TRNT1: variants seen among roughly 807,000 people sequenced by gnomAD.
TRNT1 encodes the protein CCA tRNA nucleotidyltransferase 1, mitochondrial.
Under a neutral mutation model 45.6 loss-of-function variants are expected in TRNT1, and 44 were observed. That is an observed-to-expected ratio of 0.97 (90% CI 0.76 to 1.24). TRNT1 has a LOEUF of 1.24. Among genes scored for constraint, TRNT1 ranks in the 50% most tolerant of loss-of-function variants. The probability of loss-of-function intolerance (pLI) is 0.00; values close to 1 mark genes in which losing one functional copy is unlikely to be tolerated. For synonymous variants in TRNT1, 201 were observed against 171.4 expected (o/e 1.17, Z -1.35); for missense variants, 633 against 504.4 (o/e 1.25, Z -2.44).
rs1270334148 is a variant in TRNT1, at chr3:3,146,190, T to A, written c.609-240T>A. On this transcript the variant is annotated intron_variant, in intron 5 of 7. Transcript: ENST00000251607. ...GAGGTGGAGACCTTGAAGTTTTAGT[T>A]CTTGCTAACCTCAAAAAGGCTACTT... is the stretch of plus-strand genomic sequence containing the variant. 2.6e-5 allele frequency among the ~76,000 whole-genome samples: 4 copies of A among 151,780 alleles called. No individual in the cohort carries two copies. The East Asian group carries it at 7.7e-4, about 29-fold the overall frequency.
At chr3:3,129,865 G>T in intron 2 of TRNT1, 8 of 1,550,460 alleles carry the variant, frequency 5.2e-6, no homozygotes, top group Non-Finnish European at 2.6e-6. Context: ...TCGAACTTAC[G>T]CAGATTGATT....
chr3:3,150,847 T>TATC, downstream of TRNT1: 1 of 1,428,192 alleles, frequency 7.0e-7, no homozygotes, highest in Non-Finnish European at 9.7e-7. Flanking sequence ...TAGATAACTT[T>TATC]ATCTCTATCA....
At chr3:3,153,160 T>C, downstream of TRNT1, 1 of 422,878 alleles carries the variant, frequency 2.4e-6, no homozygotes, top group South Asian at 2.3e-5. Context: ...ATATAGATTG[T>C]CAACAAGAAT....
intron 1 of TRNT1, among the ~76,000 whole-genome samples, chr3:3,128,236 G>A (rs1386725522): frequency 6.6e-6 from 1 of 152,074 alleles, no homozygotes; most frequent in Non-Finnish European, 1.5e-5. Context: ...AAACTTGTTC[G>A]TGGAGGCCTG....
In TRNT1 at chr3:3,128,963, A is replaced by G. The variant is rs3898318; in HGVS notation, c.-27-51A>G. 7 of 1,359,406 alleles carry G rather than the reference A, an allele frequency of 5.1e-6. No individual in the cohort carries two copies. The Admixed American group carries it at 1.6e-4, about 30-fold the overall frequency. 84.2% of individuals were successfully genotyped at this position (1,359,406 alleles called of 1,614,324 possible). A position where few individuals can be genotyped will look rare whatever the true frequency, so the allele number is the denominator to read the frequency against. ...AATGTGTCCCCCTTTGTTTTCCTTC[A>G]CTTACCTTCACTTTTAATTTCATTG... On this transcript the variant is annotated intron_variant, in intron 1 of 7. Coordinates refer to ENST00000251607, the MANE Select transcript of TRNT1 (RefSeq NM_182916.3).
In TRNT1 at chr3:3,147,625, A is replaced by G; in HGVS notation, c.978A>G (p.Ile326Met). ...AGGAGAAAAACCTTGGCTTATTTAT[A>G]GTTAAAAATAGGAAAGATTTAATTA... ...AKEEKNLGLF[I>M]VKNRKDLIKA... Residue 326 changes from isoleucine (I) to methionine (M), a missense_variant, in exon 7 of 8, where the codon ATA becomes ATG. By Grantham distance (10) the Ile-to-Met change is conservative. Coordinates refer to ENST00000251607, the MANE Select transcript of TRNT1 (RefSeq NM_182916.3). The G allele has an allele frequency of 6.2e-7, 1 of 1,613,890 alleles. No homozygotes were observed. The highest frequency in any genetic ancestry group is 2.2e-5 in the East Asian group (1 of 44,836).
chr3:3,146,079 GT>G (rs1005077606), intron 5 of TRNT1, among the ~76,000 whole-genome samples: 14 of 145,232 alleles, frequency 9.6e-5, no homozygotes, highest in Non-Finnish European at 1.2e-4. Flanking sequence ...CAAGAATGCT[GT>G]TTTTTTTTTC....
chr3:3,128,806 G>A (rs970684253), intron 1 of TRNT1, among the ~76,000 whole-genome samples: 5 of 152,042 alleles, frequency 3.3e-5, no homozygotes, highest in African/African-American at 1.2e-4. Flanking sequence ...GTGAGACCCC[G>A]CCTGCCACAG....
At chr3:3,136,607 C>G (rs1233458338) in intron 2 of TRNT1, 12 of 429,468 alleles carry the variant, frequency 2.8e-5, no homozygotes, top group Middle Eastern at 7.8e-4. Context: ...AAAGTATGCA[C>G]ATAAATGGGG....
chr3:3,135,671 T>C (rs911293930), intron 2 of TRNT1, among the ~76,000 whole-genome samples: 2 of 151,684 alleles, frequency 1.3e-5, no homozygotes, highest in African/African-American at 4.8e-5. Flanking sequence ...GGAAGAGGAG[T>C]GTGGGCAGGA....
chr3:3,150,894 T>C (rs1706490146), downstream of TRNT1: 2 of 1,613,954 alleles, frequency 1.2e-6, no homozygotes, highest in Admixed American at 1.7e-5. Flanking sequence ...TTGTCTGGAC[T>C]TATTTCATCT....
chr3:3,144,851 A>G, intron 5 of TRNT1, 141 bp downstream of exon 5: 1 of 726,836 alleles, frequency 1.4e-6, no homozygotes, highest in East Asian at 3.8e-5. Flanking sequence ...CTAGCACCCT[A>G]TGACTTATGA....
chr3:3,148,608 G>GAAAT lies in TRNT1; in HGVS notation c.*457_*460dup, dbSNP rs768444581. 1 of 152,714 alleles carries GAAAT rather than the reference G, an allele frequency of 6.5e-6. No individual in the cohort carries two copies. Among genetic ancestry groups the GAAAT allele is most frequent in the Non-Finnish European group, 1.5e-5 (1 of 68,450 alleles). 9.5% of individuals were successfully genotyped at this position (152,714 alleles called of 1,614,324 possible). A position where few individuals can be genotyped will look rare whatever the true frequency, so the allele number is the denominator to read the frequency against. On this transcript the variant is annotated 3_prime_UTR_variant, in exon 8 of 8. Transcript: ENST00000251607. ...CCAAAATAAACCTGTGCTTAAAAAA[G>GAAAT]AAATAATTGACCAAGTAAGTTTGCA...
downstream of TRNT1, among the ~76,000 whole-genome samples, chr3:3,152,034 G>C (rs1706594520): frequency 6.6e-6 from 1 of 152,110 alleles, no homozygotes; most frequent in South Asian, 2.1e-4. Flanking sequence ...ACTGGATACA[G>C]TAATCTGAGG....
chr3:3,136,805 C>T, intron 2 of TRNT1: 3 of 340,694 alleles, frequency 8.8e-6, no homozygotes, highest in Non-Finnish European at 1.7e-5. Flanking sequence ...CAGGTGTGCG[C>T]CACTGAACCT....
At position 3,130,508 on chromosome 3, in the gene TRNT1, G is replaced by A. The variant is rs149665972; in HGVS notation, c.148+1320G>A. ...TGTTTTAGGCAGACTTTAAGTAGAG[G>A]GCTTAAATGCATGTTTGGTTTTGCC... On this transcript the variant is annotated intron_variant, in intron 2 of 7. Coordinates refer to ENST00000251607, the MANE Select transcript of TRNT1 (RefSeq NM_182916.3). The A allele has an allele frequency of 2.0e-3, 307 of 153,006 alleles. 1 individual carries two copies. The highest frequency in any genetic ancestry group is 3.5e-3 in the Non-Finnish European group (237 of 68,588). The allele number at this position is 153,006 out of a possible 1,614,324, so 9.5% of individuals were successfully genotyped here.
At chr3:3,129,813 C>G in intron 2 of TRNT1, 1 of 1,491,002 alleles carries the variant, frequency 6.7e-7, no homozygotes. Flanking sequence ...ATGTGAAGTG[C>G]TTTGCCTGTG....
chr3:3,150,029 G>A (rs933179377), downstream of TRNT1: 1 of 151,980 alleles, frequency 6.6e-6, no homozygotes. Flanking sequence ...CACACTTAAG[G>A]TTTACTTACT....
At position 3,129,602 on chromosome 3, in the gene TRNT1, TAAAAG is replaced by T. The variant is rs144190997; in HGVS notation, c.148+416_148+420del. ...GTCTCAAAAAAAGAGAAAGGAATAT[TAAAAG>T]AGAAAGGCTTACATATGGCTGATCC... On this transcript the variant is annotated intron_variant, in intron 2 of 7. Transcript: ENST00000251607. The T allele has an allele frequency of 4.6e-3, 2,295 of 499,318 alleles. 36 individuals are homozygous for T. The highest frequency in any genetic ancestry group is 0.04 in the African/African-American group (2,065 of 51,922). 30.9% of individuals were successfully genotyped at this position (499,318 alleles called of 1,614,324 possible). A position where few individuals can be genotyped will look rare whatever the true frequency, so the allele number is the denominator to read the frequency against.
Sources: allele counts gnomAD v4.1 joint callset (sites outside exome capture counted in the v4.1 genomes callset), GRCh38; gene constraint gnomAD v4.1.1; transcripts MANE v1.5; gene names NCBI Gene and HGNC (gene_info 2026-07-23, HGNC 2026-07-21).